The following MROH2A variants were observed in gnomAD, a reference collection of about 807,000 sequenced individuals.
The protein encoded by MROH2A is maestro heat like repeat family member 2A.
A neutral mutation model predicts 200.4 loss-of-function variants in MROH2A; 174 were observed. That is an observed-to-expected ratio of 0.87 (90% CI 0.77 to 0.98). The LOEUF is 0.98. MROH2A is among the 50% of genes least tolerant of loss of function. The probability of loss-of-function intolerance (pLI) is 0.00; values close to 1 mark genes in which losing one functional copy is unlikely to be tolerated. For synonymous variants in MROH2A, 829 were observed against 840.4 expected, an observed-to-expected ratio of 0.99 and a Z score of 0.23; for missense variants, 2,045 against 2,139.6, an observed-to-expected ratio of 0.96 and a Z score of 0.87.
chr2:233,819,861 GGGC>G, intron 30 of MROH2A, 38 bp from the exon 31 acceptor site: 1 of 1,461,376 alleles, frequency 6.8e-7, no homozygotes. Context: ...GAGGCCATAG[GGGC>G]CTGGGCTGCC....
At chr2:233,793,003 C>G (rs1343889757) in intron 6 of MROH2A, 109 bp downstream of exon 6, 13 of 1,072,002 alleles carry the variant, frequency 1.2e-5, no homozygotes, top group Non-Finnish European at 1.7e-5. Flanking sequence ...GCACTGTTCA[C>G]TTGTTCTCCA....
In MROH2A at chr2:233,781,101, C is replaced by T. The variant is rs141221988; in HGVS notation, c.276+1249C>T. Among the ~76,000 whole-genome samples the T allele has an allele frequency of 4.1e-3, 625 of 152,184 alleles. 3 individuals carry two copies. Among genetic ancestry groups the T allele is most frequent in the Middle Eastern group, 0.01 (3 of 294 alleles). On this transcript the variant is annotated intron_variant, in intron 3 of 41. Transcript: ENST00000389758. ...TTATGGTTGAATAATATTCCGTTGT[C>T]TGTGTATACCACATTTTCTTTATCC... is the stretch of plus-strand genomic sequence containing the variant.
At chr2:233,792,659 C>T in intron 5 of MROH2A, 137 bp from the exon 6 acceptor site, 1 of 612,118 alleles carries the variant, frequency 1.6e-6, no homozygotes, top group South Asian at 2.0e-5. Flanking sequence ...TTTCCTGGGC[C>T]CCAGCCAGGA....
intron 3 of MROH2A, among the ~76,000 whole-genome samples, chr2:233,785,090 G>C (rs1701132399): frequency 6.6e-6 from 1 of 151,804 alleles, no homozygotes; most frequent in African/African-American, 2.4e-5. Flanking sequence ...AGGTTGCAGT[G>C]AGCTGAGATC....
Position 233,816,769 on chromosome 2 carries a change from C to A in MROH2A, c.2857-12C>A. The A allele has an allele frequency of 3.2e-6, 5 of 1,543,590 alleles. No individual in the cohort carries two copies. The highest frequency in any genetic ancestry group is 2.6e-6 in the Non-Finnish European group (3 of 1,140,910). ...TTAACACCCACTTTGGTGTTCTGGG[C>A]TCTACCCATAGCTCCTGGAAAAGTG... On this transcript the variant is annotated splice_polypyrimidine_tract_variant and intron_variant, in intron 26 of 41. Transcript: ENST00000389758.
At chr2:233,802,611 C>A in intron 15 of MROH2A, 1 of 319,196 alleles carries the variant, frequency 3.1e-6, no homozygotes, top group East Asian at 5.4e-5. Context: ...CAGCCTTTCC[C>A]ATGCATGACC....
chr2:233,822,273 AC>A lies in MROH2A; in HGVS notation c.3667del (p.Leu1223Ter). 6.5e-7 allele frequency: 1 copy of A among 1,547,392 alleles called. No homozygotes were observed. Among genetic ancestry groups the A allele is most frequent in the African/African-American group, 1.4e-5 (1 of 73,102 alleles). ...KADIWRLAAV[D>X]PLMTLCTIHL... ...GACATCTGGCGCCTGGCTGCGGTGG[AC>A]CCCCTGATGGTGAGTTGCAGGCGCA... On this transcript the variant is annotated frameshift_variant, in exon 32 of 42. Transcript: ENST00000389758. LOFTEE classifies it high-confidence loss of function.
In MROH2A at chr2:233,787,754, T is replaced by C. The variant is rs1288052601; in HGVS notation, c.277-1743T>C. On this transcript the variant is annotated intron_variant, in intron 3 of 41. Transcript: ENST00000389758. ...ATATACATATATATTATATATATTATATATATCATATATACATATATATTA... is the reference window on the plus strand; with the variant it reads ...ATATACATATATATTATATATATTACATATATCATATATACATATATATTA... 6.4e-5 allele frequency among the ~76,000 whole-genome samples: 3 copies of C among 47,166 alleles called. 1 individual carries two copies. The highest frequency in any genetic ancestry group is 1.8e-4 in the African/African-American group (2 of 11,328). The allele number at this position is 47,166 out of a possible 152,430, so 30.9% of individuals were successfully genotyped here. A position where few individuals can be genotyped will look rare whatever the true frequency, so the allele number is the denominator to read the frequency against.
In MROH2A at chr2:233,818,099, T is replaced by C. The variant is rs1250337519; in HGVS notation, c.3059T>C (p.Val1020Ala). 4 of 1,550,822 alleles carry C rather than the reference T, an allele frequency of 2.6e-6. No individual in the cohort carries two copies. The highest frequency in any genetic ancestry group is 3.5e-6 in the Non-Finnish European group (4 of 1,147,044). Residue 1020 changes from valine to alanine, a missense_variant, in exon 28 of 42, where the codon GTC (valine) becomes GCC (alanine). Transcript: ENST00000389758. The part of the protein sequence containing the change: ...HQRTRMASMN[V>A]LSSLLDLHAS... Reference sequence around the variant, plus strand: ...AGAACCCGCATGGCCTCAATGAATGTCCTGTCCAGCCTGCTAGATCTTCAC... The same window carrying C: ...AGAACCCGCATGGCCTCAATGAATGCCCTGTCCAGCCTGCTAGATCTTCAC...
chr2:233,793,803 G>A lies in MROH2A; in HGVS notation c.801G>A (p.Trp267Ter), dbSNP rs1402146880. 5 of 1,458,750 alleles carry A rather than the reference G, an allele frequency of 3.4e-6. 1 individual carries two copies. The highest frequency in any genetic ancestry group is 5.1e-5 in the Admixed American group (2 of 39,206). 90.4% of individuals were successfully genotyped at this position (1,458,750 alleles called of 1,614,324 possible). A position where few individuals can be genotyped will look rare whatever the true frequency, so the allele number is the denominator to read the frequency against. ...TGTATCGCTACTTCGTGACAGTGTGGCTGAGGCACTACAACCCCGAGGTGA... is the reference window on the plus strand; with the variant it reads ...TGTATCGCTACTTCGTGACAGTGTGACTGAGGCACTACAACCCCGAGGTGA... ...FPMYRYFVTV[W>*]LRHYNPEVKL... The change falls in exon 7 of 42, where the codon TGG (tryptophan) becomes TGA (stop). Residue 267 changes from tryptophan (W) to a stop codon, truncating the protein, a stop_gained. Transcript: ENST00000389758. LOFTEE classifies it high-confidence loss of function.
intron 6 of MROH2A, among the ~76,000 whole-genome samples, chr2:233,793,142 A>G (rs1701889075): frequency 1.3e-5 from 2 of 152,320 alleles, no homozygotes; most frequent in African/African-American, 2.4e-5. Flanking sequence ...CGGTGACTCC[A>G]TTTAGCTTGC....
intron 5 of MROH2A, among the ~76,000 whole-genome samples, chr2:233,791,776 T>C (rs370711134): frequency 2.0e-5 from 3 of 151,592 alleles, no homozygotes; most frequent in African/African-American, 7.3e-5. Context: ...AGGGGTCCAG[T>C]GAGATAAGGC....
intron 3 of MROH2A, among the ~76,000 whole-genome samples, chr2:233,780,275 T>G (rs1700888712): frequency 6.6e-6 from 1 of 152,054 alleles, no homozygotes; most frequent in Non-Finnish European, 1.5e-5. Flanking sequence ...ACAGACAAGG[T>G]TTGCATCACG....
In MROH2A at chr2:233,785,210, C is replaced by G. The variant is rs941315522; in HGVS notation, c.277-4287C>G. 3.3e-4 allele frequency among the ~76,000 whole-genome samples: 50 copies of G among 151,956 alleles called. 1 individual carries two copies. Among genetic ancestry groups the G allele is most frequent in the Non-Finnish European group, 6.0e-4 (41 of 67,992 alleles). ...GATGAGACCAACAGCTCAGGAGACACTTGCTCTTGAAAGGACAGTTTATTG... is the reference window on the plus strand; with the variant it reads ...GATGAGACCAACAGCTCAGGAGACAGTTGCTCTTGAAAGGACAGTTTATTG... On this transcript the variant is annotated intron_variant, in intron 3 of 41. Transcript: ENST00000389758.
In MROH2A at chr2:233,833,112, C is replaced by A. The variant is rs1458444479; in HGVS notation, c.4904-26C>A. 2.0e-6 allele frequency: 3 copies of A among 1,524,298 alleles called. No homozygotes were observed. The East Asian group carries it at 7.3e-5, about 37-fold the overall frequency. The allele number at this position is 1,524,298 out of a possible 1,614,324, so 94.4% of individuals were successfully genotyped here. A position where few individuals can be genotyped will look rare whatever the true frequency, so the allele number is the denominator to read the frequency against. On this transcript the variant is annotated intron_variant, in intron 41 of 41. Transcript: ENST00000389758. ...TGGTCCTGACTGGGCGGGGCCTGAA[C>A]CTTCCCTCTTTGTGTTCTCTCTCAG...
At position 233,833,255 on chromosome 2, in the gene MROH2A, C is replaced by T; in HGVS notation, c.5021C>T (p.Ser1674Phe). 3 of 1,536,350 alleles carry T rather than the reference C, an allele frequency of 2.0e-6. No homozygotes were observed. The highest frequency in any genetic ancestry group is 2.6e-6 in the Non-Finnish European group (3 of 1,142,954). Residue 1674 changes from serine to phenylalanine, a missense_variant, in exon 42 of 42, where the codon TCC becomes TTC. Transcript: ENST00000389758. ...HGFLASPQGMS is the reference protein window; with the variant it reads ...HGFLASPQGMF ...TTTCTGGCTTCACCCCAAGGAATGT[C>T]CTAGGTGGTCCAAACATAAGACGTA...
At chr2:233,815,163 GTTCTCCTTTCATCTGGAACAGCTTC>G (rs1194491384) in intron 26 of MROH2A, among the ~76,000 whole-genome samples, 19 of 152,144 alleles carry the variant, frequency 1.2e-4, no homozygotes. Context: ...AGGTCTCTTT[GTTCTCCTTTCATCTGGAACAGCTTC>G]ACAGTCCTTC....
rs1700775325 is a variant in MROH2A at position 233,778,420 on chromosome 2, A to AAGAGCAGAGCTTT, written c.-75_-63dup. On this transcript the variant is annotated 5_prime_UTR_variant, in exon 1 of 42. It removes the in-frame stop codon of an upstream open reading frame in the 5' UTR. Transcript: ENST00000389758. ...CATTTCCATTGATGTGTATTGGGCC[A>AAGAGCAGAGCTTT]AGAGCAGAGCTTTTTCTTGTGGTTA... 5.9e-6 allele frequency: 1 copy of AAGAGCAGAGCTTT among 169,318 alleles called. No individual in the cohort carries two copies. The highest frequency in any genetic ancestry group is 2.4e-5 in the African/African-American group (1 of 41,546). 10.5% of individuals were successfully genotyped at this position (169,318 alleles called of 1,614,324 possible).
At position 233,779,817 on chromosome 2, in the gene MROH2A, A is replaced by G. The variant is rs2126076934; in HGVS notation, c.241A>G (p.Ile81Val). 6.4e-7 allele frequency: 1 copy of G among 1,550,548 alleles called. No individual in the cohort carries two copies. The highest frequency in any genetic ancestry group is 8.7e-7 in the Non-Finnish European group (1 of 1,146,984). Residue 81 changes from isoleucine (I) to valine (V), a missense_variant, in exon 3 of 42, where the codon ATA (isoleucine) becomes GTA (valine). Physicochemically the swap from Ile to Val is conservative, Grantham distance 29. This residue lies in a region of MROH2A where 831 missense variants were observed against 800.0 expected (regional missense o/e 1.04). Transcript: ENST00000389758. ...EKATTEPSVV[I>V]NTLIRCLQVP... ...GGCCACCACTGAGCCTTCTGTAGTGATAAACACTCTCATCCGCTGCCTGCA... is the reference window on the plus strand; with the variant it reads ...GGCCACCACTGAGCCTTCTGTAGTGGTAAACACTCTCATCCGCTGCCTGCA...
Sources: allele counts gnomAD v4.1 joint callset (sites outside exome capture counted in the v4.1 genomes callset), GRCh38; gene constraint gnomAD v4.1.1; regional missense constraint gnomAD v4.1.1; transcripts MANE v1.5; gene names NCBI Gene and HGNC (gene_info 2026-07-23, HGNC 2026-07-21).